DGKB: variants seen among roughly 807,000 people sequenced by gnomAD.
DGKB encodes the protein 90 kDa diacylglycerol kinase.
DGKB carries 67 observed loss-of-function variants against 114.3 expected under a neutral mutation model. The observed-to-expected ratio is 0.59, with a 90% CI of 0.48 to 0.72. The LOEUF (loss-of-function observed/expected upper bound fraction) is 0.72. Ranked by LOEUF, DGKB falls within the 30% of genes least tolerant of loss-of-function variation. The probability of loss-of-function intolerance (pLI) is 0.00; values close to 1 mark genes in which losing one functional copy is unlikely to be tolerated. For synonymous variants in DGKB, 398 were observed against 323.1 expected, an observed-to-expected ratio of 1.23 and a Z score of -2.49; for missense variants, 907 against 975.2, an observed-to-expected ratio of 0.93 and a Z score of 0.93.
chr7:14,322,711 A>T (rs1326607821), intron 23 of DGKB, among the ~76,000 whole-genome samples: 1 of 152,220 alleles, frequency 6.6e-6, no homozygotes, highest in African/African-American at 2.4e-5. Context: ...AGAGAACAAA[A>T]GATTCTAGTT....
chr7:14,957,383 T>C (rs1786571044), intron 1 of DGKB, among the ~76,000 whole-genome samples: 2 of 152,012 alleles, frequency 1.3e-5, no homozygotes, highest in South Asian at 2.1e-4. Context: ...TGATCTAGCA[T>C]TGGAGACAGT....
chr7:14,801,209 G>A (rs1469187098), intron 2 of DGKB, among the ~76,000 whole-genome samples: 8 of 152,114 alleles, frequency 5.3e-5, no homozygotes, highest in African/African-American at 9.7e-5. Flanking sequence ...ATCACTCCAC[G>A]AACTTTACTT....
chr7:14,354,558 C>G (rs1159347778), intron 21 of DGKB, among the ~76,000 whole-genome samples: 1 of 152,010 alleles, frequency 6.6e-6, no homozygotes, highest in Non-Finnish European at 1.5e-5. Context: ...AGAAAAAATA[C>G]ATTAAATTAT....
intron 4 of DGKB, among the ~76,000 whole-genome samples, chr7:14,751,253 A>T (rs982835145): frequency 2.0e-5 from 3 of 152,340 alleles, no homozygotes; most frequent in East Asian, 3.9e-4. Flanking sequence ...AAACCCCAGC[A>T]TTAGTTTTTA....
intron 23 of DGKB, among the ~76,000 whole-genome samples, chr7:14,252,096 T>G (rs1414236925): frequency 6.6e-6 from 1 of 152,198 alleles, no homozygotes; most frequent in Non-Finnish European, 1.5e-5. Context: ...GCCCTTTCTC[T>G]TGCTCTACTC....
chr7:14,156,554 A>AT (rs1250562963), intron 25 of DGKB, among the ~76,000 whole-genome samples: 1 of 151,988 alleles, frequency 6.6e-6, no homozygotes, highest in Non-Finnish European at 1.5e-5. Flanking sequence ...TCCTCTCTGG[A>AT]TTTTTTCAGC....
At chr7:14,694,971 T>C (rs1255669730) in intron 8 of DGKB, among the ~76,000 whole-genome samples, 1 of 152,186 alleles carries the variant, frequency 6.6e-6, no homozygotes, top group Non-Finnish European at 1.5e-5. Flanking sequence ...GGCGTCAAGA[T>C]GGCAAACATG....
intron 1 of DGKB, among the ~76,000 whole-genome samples, chr7:14,947,219 G>A (rs1173055819): frequency 6.6e-6 from 1 of 151,610 alleles, no homozygotes; most frequent in Non-Finnish European, 1.5e-5. Flanking sequence ...AACCTAAAAA[G>A]TATAAGGTCT....
chr7:14,722,541 C>A (rs1388921493), intron 5 of DGKB, among the ~76,000 whole-genome samples: 2 of 152,102 alleles, frequency 1.3e-5, no homozygotes, highest in African/African-American at 4.8e-5. Context: ...TGGCCAGGCA[C>A]CGGAACTCAT....
intron 13 of DGKB, among the ~76,000 whole-genome samples, chr7:14,667,104 G>C (rs1164437756): frequency 6.6e-6 from 1 of 152,040 alleles, no homozygotes; most frequent in Non-Finnish European, 1.5e-5. Flanking sequence ...CATCAGTGCA[G>C]AGGAGATGCT....
At chr7:14,510,572 A>G (rs1787836408) in intron 20 of DGKB, among the ~76,000 whole-genome samples, 1 of 152,062 alleles carries the variant, frequency 6.6e-6, no homozygotes, top group African/African-American at 2.4e-5. Flanking sequence ...AGAGTCATAC[A>G]TGAGGGTTGG....
At chr7:14,228,534 A>T (rs1021656697) in intron 23 of DGKB, among the ~76,000 whole-genome samples, 53 of 152,016 alleles carry the variant, frequency 3.5e-4, no homozygotes, top group African/African-American at 1.2e-3. Flanking sequence ...GTACACACAC[A>T]CTCGCACCCG....
intron 20 of DGKB, among the ~76,000 whole-genome samples, chr7:14,534,108 G>T (rs527572814): frequency 3.2e-4 from 49 of 151,964 alleles, no homozygotes; most frequent in African/African-American, 1.1e-3. Context: ...CACAAATTTT[G>T]TTTAATAAAT....
intron 1 of DGKB, among the ~76,000 whole-genome samples, chr7:14,882,319 A>G (rs182975034): frequency 3.7e-3 from 568 of 152,164 alleles, no homozygotes; most frequent in Admixed American, 6.2e-3. Context: ...GATTTCACAC[A>G]AGGACCATAT....
At position 14,972,947 on chromosome 7, in the gene DGKB, T is replaced by C. The variant is rs142997149; in HGVS notation, c.-188+1749A>G. Among the ~76,000 whole-genome samples the C allele has an allele frequency of 1.3e-4, 20 of 152,162 alleles. 1 individual carries two copies. Among genetic ancestry groups the C allele is most frequent in the Non-Finnish European group, 2.4e-4 (16 of 67,932 alleles). On this transcript the variant is annotated intron_variant, in intron 1 of 4. Transcript: ENST00000437998. Reference sequence around the variant, plus strand: ...GCAGAAAGTGGGTTAACGTTATATATGGTCTAGGAAATCCAACTAATGCTT... The same window carrying C: ...GCAGAAAGTGGGTTAACGTTATATACGGTCTAGGAAATCCAACTAATGCTT...
intron 2 of DGKB, among the ~76,000 whole-genome samples, chr7:14,838,612 A>G (rs1156966815): frequency 6.6e-6 from 1 of 152,080 alleles, no homozygotes; most frequent in African/African-American, 2.4e-5. Flanking sequence ...AATATTATAA[A>G]ATCTGAATCC....
chr7:14,850,366 G>A (rs915259067), intron 1 of DGKB, among the ~76,000 whole-genome samples: 2 of 152,060 alleles, frequency 1.3e-5, no homozygotes, highest in Non-Finnish European at 2.9e-5. Flanking sequence ...GAAATTACTG[G>A]AATCGATTTT....
intron 13 of DGKB, among the ~76,000 whole-genome samples, chr7:14,658,066 A>C (rs1444273053): frequency 6.6e-6 from 1 of 152,000 alleles, no homozygotes; most frequent in Non-Finnish European, 1.5e-5. Flanking sequence ...ACAATGCATA[A>C]TTTAGTAGAA....
intron 2 of DGKB, among the ~76,000 whole-genome samples, chr7:14,788,182 T>C (rs576371492): frequency 1.6e-4 from 25 of 152,314 alleles, no homozygotes; most frequent in African/African-American, 5.8e-4. Context: ...CCCATGGCAT[T>C]GCCCTGATAC....
Sources: allele counts gnomAD v4.1 joint callset (sites outside exome capture counted in the v4.1 genomes callset), GRCh38; gene constraint gnomAD v4.1.1; transcripts MANE v1.5; gene names NCBI Gene and HGNC (gene_info 2026-07-23, HGNC 2026-07-21).